The following HINT3 variants were observed in gnomAD, a reference collection of about 807,000 sequenced individuals.
HINT3 encodes histidine triad nucleotide binding protein 3, also known as adenosine 5'-monophosphoramidase HINT3.
Under a neutral mutation model 19.1 loss-of-function variants are expected in HINT3, and 16 were observed. The observed-to-expected ratio is 0.84, with a 90% CI of 0.57 to 1.27. The LOEUF is 1.27. HINT3 is among the 50% of genes most tolerant of loss of function. The pLI is 0.00. For missense variants in HINT3, 197 were observed against 225.8 expected (o/e 0.87, Z 0.82); for synonymous variants, 75 against 84.8 (o/e 0.88, Z 0.63).
chr6:125,977,681 G>T lies in HINT3; in HGVS notation c.*5G>T. The T allele has an allele frequency of 6.7e-7, 1 of 1,502,672 alleles. No homozygotes were observed. The highest frequency in any genetic ancestry group is 9.0e-7 in the Non-Finnish European group (1 of 1,109,402). The allele number at this position is 1,502,672 out of a possible 1,614,324, so 93.1% of individuals were successfully genotyped here. A position where few individuals can be genotyped will look rare whatever the true frequency, so the allele number is the denominator to read the frequency against. On this transcript the variant is annotated 3_prime_UTR_variant, in exon 5 of 5. Transcript: ENST00000229633. ...ATTGAAAAACTAAGAACATGAAAAT[G>T]TCAAGAGTGGAAGATTTTTCTAATC... is the stretch of plus-strand genomic sequence containing the variant.
intron 1 of HINT3, among the ~76,000 whole-genome samples, chr6:125,964,093 C>T (rs1166043281): frequency 6.6e-6 from 1 of 152,146 alleles, no homozygotes; most frequent in Non-Finnish European, 1.5e-5. Context: ...AGGAGCTTCC[C>T]TGTGATCCAA....
In HINT3 at chr6:125,966,915, T is replaced by A. The variant is rs772622280; in HGVS notation, c.230T>A (p.Ile77Asn). The change falls in exon 2 of 5, where the codon ATC (isoleucine) becomes AAC (asparagine). Residue 77 changes from isoleucine (I) to asparagine (N), a missense_variant. Physicochemically the swap from Ile to Asn is moderately radical, Grantham distance 149 (BLOSUM62 -3). Transcript: ENST00000229633. Reference protein sequence around the residue: ...ENEDLICFKDIKPAATHHYLV... With the variant: ...ENEDLICFKDNKPAATHHYLV... ...GAGGACCTAATTTGCTTCAAAGATATCAAACCAGCAGCAACTCATCATTAT... is the reference window on the plus strand; with the variant it reads ...GAGGACCTAATTTGCTTCAAAGATAACAAACCAGCAGCAACTCATCATTAT... 2 of 1,612,466 alleles carry A rather than the reference T, an allele frequency of 1.2e-6. No individual in the cohort carries two copies. Among genetic ancestry groups the A allele is most frequent in the Admixed American group, 1.7e-5 (1 of 59,862 alleles).
At chr6:125,975,212 A>G (rs1789164221) in intron 4 of HINT3, among the ~76,000 whole-genome samples, 1 of 152,242 alleles carries the variant, frequency 6.6e-6, no homozygotes, top group Admixed American at 6.5e-5. Context: ...GATACGATAT[A>G]GAAGAACCAT....
At chr6:125,959,474 T>G (rs542491611) in intron 1 of HINT3, among the ~76,000 whole-genome samples, 104 of 152,356 alleles carry the variant, frequency 6.8e-4, no homozygotes, top group African/African-American at 2.3e-3. Flanking sequence ...TAGATGACCC[T>G]TGTATGTCCT....
chr6:125,964,737 T>TAC (rs3083382), intron 1 of HINT3, among the ~76,000 whole-genome samples: 5,334 of 148,490 alleles, frequency 0.036, 101 homozygotes, highest in Non-Finnish European at 0.051. Flanking sequence ...AATAGTTTTA[T>TAC]ACACACACAC....
intron 2 of HINT3, 115 bp downstream of exon 2, chr6:125,967,119 A>T: frequency 1.7e-6 from 1 of 596,858 alleles, no homozygotes; most frequent in Non-Finnish European, 2.8e-6. Flanking sequence ...GAGCATTATG[A>T]CTTTTTGAAA....
intron 1 of HINT3, among the ~76,000 whole-genome samples, chr6:125,960,663 G>T (rs550250079): frequency 2.8e-5 from 4 of 145,138 alleles, no homozygotes; most frequent in African/African-American, 5.0e-5. Flanking sequence ...TCTGGGGGGG[G>T]GGAAAAAAAA....
intron 2 of HINT3, among the ~76,000 whole-genome samples, chr6:125,968,637 G>GT (rs1439510989): frequency 6.6e-6 from 1 of 151,872 alleles, no homozygotes; most frequent in East Asian, 1.9e-4. Context: ...TCAACAGCAT[G>GT]TAAGTGTTAT....
intron 4 of HINT3, among the ~76,000 whole-genome samples, chr6:125,976,558 C>CT (rs201793327): frequency 8.7e-5 from 10 of 115,096 alleles, no homozygotes; most frequent in South Asian, 8.1e-4. Flanking sequence ...ATAGAAAATG[C>CT]TTTTTTTTTA....
intron 1 of HINT3, among the ~76,000 whole-genome samples, chr6:125,962,213 CAT>C (rs1215154343): frequency 0.028 from 1,033 of 36,252 alleles, 87 homozygotes; most frequent in South Asian, 0.039. Flanking sequence ...TATATATACA[CAT>C]ATATATATAT....
chr6:125,961,258 A>G (rs1042261609), intron 1 of HINT3, among the ~76,000 whole-genome samples: 5 of 152,216 alleles, frequency 3.3e-5, no homozygotes, highest in African/African-American at 9.6e-5. Context: ...TTGTTTTCCC[A>G]TTCAACAACA....
At chr6:125,964,419 T>A (rs543657733) in intron 1 of HINT3, among the ~76,000 whole-genome samples, 4 of 152,332 alleles carry the variant, frequency 2.6e-5, no homozygotes, top group Admixed American at 2.6e-4. Flanking sequence ...AAGAAACTTT[T>A]AAAAACTTTT....
intron 1 of HINT3, among the ~76,000 whole-genome samples, chr6:125,966,437 A>C: frequency 6.6e-6 from 1 of 152,312 alleles, no homozygotes; most frequent in South Asian, 2.1e-4. Context: ...GGACATGTAA[A>C]TGCTAGCTGG....
chr6:125,967,072 T>C (rs1442946997), intron 2 of HINT3, 68 bp downstream of exon 2: 15 of 1,004,614 alleles, frequency 1.5e-5, no homozygotes, highest in Non-Finnish European at 2.1e-5. Flanking sequence ...GCAGTGAAGA[T>C]TAAAAAGAAA....
chr6:125,962,490 C>T lies in HINT3; in HGVS notation c.202-4397C>T, dbSNP rs116385731. Among the ~76,000 whole-genome samples, 456 of 151,712 alleles carry T rather than the reference C, an allele frequency of 3.0e-3. 3 individuals are homozygous for T. The highest frequency in any genetic ancestry group is 0.01 in the African/African-American group (427 of 41,342). On this transcript the variant is annotated intron_variant, in intron 1 of 4. Transcript: ENST00000229633. ...AGATTAATCTTTTTAAAAAGAATAA[C>T]TACATAACATAATTCGATGGTTTAC...
chr6:125,963,782 C>T (rs960106069), intron 1 of HINT3, among the ~76,000 whole-genome samples: 1 of 152,064 alleles, frequency 6.6e-6, no homozygotes, highest in African/African-American at 2.4e-5. Flanking sequence ...TATAAAGTCT[C>T]CTTAGGGAGG....
At chr6:125,961,442 T>C (rs1788925010) in intron 1 of HINT3, among the ~76,000 whole-genome samples, 1 of 152,186 alleles carries the variant, frequency 6.6e-6, no homozygotes, top group African/African-American at 2.4e-5. Context: ...TCCCCAAGAC[T>C]GGCCTGCCCT....
At chr6:125,976,395 G>A (rs996998996) in intron 4 of HINT3, among the ~76,000 whole-genome samples, 4 of 151,678 alleles carry the variant, frequency 2.6e-5, no homozygotes, top group African/African-American at 9.7e-5. Flanking sequence ...GTGACAGAGT[G>A]AGATCTTGTC....
intron 2 of HINT3, among the ~76,000 whole-genome samples, chr6:125,970,762 G>C (rs9401857): frequency 0.71 from 108,587 of 152,070 alleles, 39,305 homozygotes; most frequent in East Asian, 0.95. Flanking sequence ...ACCATATTCC[G>C]AGCAATAAAA....
Sources: gnomAD v4.1 joint callset for allele counts (sites outside exome capture counted in the v4.1 genomes callset) on GRCh38, gnomAD v4.1.1 for gene constraint, MANE v1.5 for transcripts, NCBI Gene and HGNC (gene_info 2026-07-23, HGNC 2026-07-21) for gene names.